FGF12: variants seen among roughly 807,000 people sequenced by gnomAD.
FGF12 encodes fibroblast growth factor 12B.
In FGF12, 14 loss-of-function variants were observed where a neutral mutation model predicts 23.6. The ratio of observed to expected loss-of-function variants is 0.59; its 90% CI spans 0.39 to 0.93. The LOEUF (loss-of-function observed/expected upper bound fraction) is 0.93. Among genes scored for constraint, FGF12 ranks in the 40% least tolerant of loss-of-function variants. The probability of loss-of-function intolerance (pLI) is 0.00; values close to 1 mark genes in which losing one functional copy is unlikely to be tolerated. For synonymous variants in FGF12, 62 were observed against 77.3 expected (o/e 0.80, Z 1.04); for missense variants, 175 against 217.8 (o/e 0.80, Z 1.24).
At chr3:192,262,519 T>C (rs1712822271) in intron 4 of FGF12, among the ~76,000 whole-genome samples, 1 of 152,076 alleles carries the variant, frequency 6.6e-6, no homozygotes, top group African/African-American at 2.4e-5. Context: ...GATGGCCCCA[T>C]AAGATTAGAA....
At chr3:192,526,522 T>TCC (rs1724949283) in intron 2 of FGF12, among the ~76,000 whole-genome samples, 2 of 151,952 alleles carry the variant, frequency 1.3e-5, no homozygotes, top group African/African-American at 4.8e-5. Flanking sequence ...TATATACAGT[T>TCC]CCTCACCTCA....
intron 3 of FGF12, among the ~76,000 whole-genome samples, chr3:192,351,178 T>C (rs1718203484): frequency 6.6e-6 from 1 of 152,236 alleles, no homozygotes; most frequent in Non-Finnish European, 1.5e-5. Context: ...ATTGTCATCT[T>C]GTAGGCTTGC....
At chr3:192,163,376 C>CTTGA (rs1370004557) in intron 5 of FGF12, among the ~76,000 whole-genome samples, 1 of 152,046 alleles carries the variant, frequency 6.6e-6, no homozygotes. Context: ...ACATACCTGT[C>CTTGA]TTGATAGTAG....
intron 2 of FGF12, among the ~76,000 whole-genome samples, chr3:192,373,312 T>C (rs1375062692): frequency 6.6e-6 from 1 of 151,328 alleles, no homozygotes; most frequent in Non-Finnish European, 1.5e-5. Flanking sequence ...AGTGACCTAG[T>C]TTCTTCTCTC....
At chr3:192,699,070 T>G (rs936457324) in intron 2 of FGF12, among the ~76,000 whole-genome samples, 3 of 152,186 alleles carry the variant, frequency 2.0e-5, no homozygotes, top group African/African-American at 7.2e-5. Context: ...ACTAAAAACC[T>G]GCCATCAGTG....
intron 2 of FGF12, among the ~76,000 whole-genome samples, chr3:192,469,348 G>A (rs2108812599): frequency 6.6e-6 from 1 of 152,296 alleles, no homozygotes; most frequent in East Asian, 1.9e-4. Context: ...ACACCTGCAT[G>A]TACACACCTG....
intron 2 of FGF12, among the ~76,000 whole-genome samples, chr3:192,438,622 G>T (rs1722099490): frequency 6.6e-6 from 1 of 152,160 alleles, no homozygotes; most frequent in South Asian, 2.1e-4. Flanking sequence ...GCCAGGGAAG[G>T]GTACCCAGAC....
intron 2 of FGF12, among the ~76,000 whole-genome samples, chr3:192,397,678 T>C (rs1332970801): frequency 6.6e-6 from 1 of 152,244 alleles, no homozygotes; most frequent in East Asian, 1.9e-4. Context: ...TGGGTGACTC[T>C]GGGTGACTTT....
chr3:192,349,186 T>C (rs1017713005), intron 3 of FGF12, among the ~76,000 whole-genome samples: 6 of 152,214 alleles, frequency 3.9e-5, no homozygotes, highest in Middle Eastern at 3.4e-3. Context: ...CTGCAATTCA[T>C]TAAGAATATG....
intron 3 of FGF12, among the ~76,000 whole-genome samples, chr3:192,343,352 TAG>T (rs1717791527): frequency 6.6e-6 from 1 of 152,160 alleles, no homozygotes. Context: ...GATATTTTAT[TAG>T]AGTGTGAATA....
chr3:192,182,131 G>T (rs779380854), intron 4 of FGF12, among the ~76,000 whole-genome samples: 2 of 152,020 alleles, frequency 1.3e-5, no homozygotes, highest in African/African-American at 4.8e-5. Flanking sequence ...TAAACAACTC[G>T]GTATTTGTGT....
chr3:192,598,449 A>T (rs1300160144), intron 2 of FGF12, among the ~76,000 whole-genome samples: 1 of 152,174 alleles, frequency 6.6e-6, no homozygotes, highest in Non-Finnish European at 1.5e-5. Flanking sequence ...AAGCATGAGT[A>T]ACTATGACCC....
At chr3:192,536,501 A>G (rs1158692899) in intron 2 of FGF12, among the ~76,000 whole-genome samples, 2 of 152,198 alleles carry the variant, frequency 1.3e-5, no homozygotes, top group Non-Finnish European at 2.9e-5. Context: ...GTTGTCAACA[A>G]GTCTCCGAAA....
intron 4 of FGF12, among the ~76,000 whole-genome samples, chr3:192,291,247 A>G (rs927091208): frequency 6.6e-6 from 1 of 152,158 alleles, no homozygotes; most frequent in African/African-American, 2.4e-5. Context: ...TTCTATGGAC[A>G]TAACAGTTTG....
At chr3:192,173,478 A>C (rs1715685141) in intron 4 of FGF12, among the ~76,000 whole-genome samples, 1 of 139,362 alleles carries the variant, frequency 7.2e-6, no homozygotes, top group Admixed American at 7.4e-5. Context: ...AAGTATATGG[A>C]TAAAAGTAAC....
chr3:192,180,175 G>A (rs1264595594), intron 4 of FGF12, among the ~76,000 whole-genome samples: 2 of 151,608 alleles, frequency 1.3e-5, no homozygotes, highest in Non-Finnish European at 2.9e-5. Context: ...GATAAGTGAT[G>A]TGGTAATTTC....
chr3:192,193,644 C>T (rs1383034752), intron 4 of FGF12, among the ~76,000 whole-genome samples: 1 of 152,168 alleles, frequency 6.6e-6, no homozygotes, highest in Non-Finnish European at 1.5e-5. Context: ...TCTATAGTCT[C>T]ACCCTATGTC....
chr3:192,374,289 T>C (rs1024439405), intron 2 of FGF12, among the ~76,000 whole-genome samples: 6 of 152,224 alleles, frequency 3.9e-5, no homozygotes, highest in African/African-American at 1.4e-4. Context: ...TTCCCAAGTA[T>C]GTATCCACAC....
rs137939210 is a variant in FGF12 at position 192,666,917 on chromosome 3, T to TA, written c.13+60263_13+60264insT. Among the ~76,000 whole-genome samples, 191 of 147,630 alleles carry TA rather than the reference T, an allele frequency of 1.3e-3. 1 individual carries two copies. Among genetic ancestry groups the TA allele is most frequent in the African/African-American group, 4.8e-3 (186 of 39,016 alleles). On this transcript the variant is annotated intron_variant, in intron 2 of 5. Coordinates refer to ENST00000445105, the MANE Select transcript of FGF12 (RefSeq NM_004113.6). Reference sequence around the variant, plus strand: ...ATGGATGGATAGTTGGATAGATAGATGATAGATAGATAGATAGATAGATAG... The same window carrying TA: ...ATGGATGGATAGTTGGATAGATAGATAGATAGATAGATAGATAGATAGATAG...
Sources: gnomAD v4.1 joint callset for allele counts (sites outside exome capture counted in the v4.1 genomes callset) on GRCh38, gnomAD v4.1.1 for gene constraint, MANE v1.5 for transcripts, NCBI Gene and HGNC (gene_info 2026-07-23, HGNC 2026-07-21) for gene names.